The following NRROS variants were observed in gnomAD, a reference collection of about 807,000 sequenced individuals.
NRROS encodes the protein negative regulator of reactive oxygen species, also known as transforming growth factor beta activator LRRC33.
NRROS carries 6 observed loss-of-function variants against 12.0 expected under a neutral mutation model. That is an observed-to-expected ratio of 0.50 (90% CI 0.27 to 0.98). NRROS has a LOEUF of 0.98. Among genes scored for constraint, NRROS ranks in the 50% least tolerant of loss-of-function variants. The pLI is 0.11. For missense variants in NRROS, 857 were observed against 888.2 expected (o/e 0.96, Z 0.45); for synonymous variants, 462 against 410.2 (o/e 1.13, Z -1.53).
intron 1 of NRROS, among the ~76,000 whole-genome samples, chr3:196,645,875 AG>A (rs1429015154): frequency 6.6e-6 from 1 of 152,058 alleles, no homozygotes; most frequent in Non-Finnish European, 1.5e-5. Context: ...AAGGGACGAA[AG>A]CTCCTTCTCC....
At chr3:196,656,269 A>C (rs540638127) in intron 2 of NRROS, among the ~76,000 whole-genome samples, 16 of 152,350 alleles carry the variant, frequency 1.1e-4, no homozygotes, top group African/African-American at 3.8e-4. Flanking sequence ...GCTAACACTT[A>C]CATTCAAGTA....
At chr3:196,647,012 T>A (rs2108636819) in intron 1 of NRROS, among the ~76,000 whole-genome samples, 1 of 152,346 alleles carries the variant, frequency 6.6e-6, no homozygotes, top group Middle Eastern at 3.4e-3. Flanking sequence ...CGTCAATCAA[T>A]ATATTGCTAC....
At chr3:196,648,301 C>T (rs941202469) in intron 1 of NRROS, among the ~76,000 whole-genome samples, 4 of 152,134 alleles carry the variant, frequency 2.6e-5, no homozygotes, top group African/African-American at 9.7e-5. Context: ...TGAAAGTTCC[C>T]TGTAAGTGCT....
In NRROS at chr3:196,661,816, C is replaced by T. The variant is rs1379537153; in HGVS notation, c.*94C>T. 23 of 1,099,904 alleles carry T rather than the reference C, an allele frequency of 2.1e-5. No individual in the cohort carries two copies. The Middle Eastern group carries it at 8.5e-4, about 41-fold the overall frequency. 68.1% of individuals were successfully genotyped at this position (1,099,904 alleles called of 1,614,324 possible). ...GATGTGATGCAGAGGCCAAGTCTGACGAATTGAAGTTTCAATTAAAATTTA... is the reference window on the plus strand; with the variant it reads ...GATGTGATGCAGAGGCCAAGTCTGATGAATTGAAGTTTCAATTAAAATTTA... On this transcript the variant is annotated 3_prime_UTR_variant, in exon 3 of 3. Coordinates refer to ENST00000328557, the MANE Select transcript of NRROS (RefSeq NM_198565.3).
intron 1 of NRROS, among the ~76,000 whole-genome samples, chr3:196,643,416 T>C (rs1737246188): frequency 6.6e-6 from 1 of 152,198 alleles, no homozygotes; most frequent in Non-Finnish European, 1.5e-5. Context: ...AGGCTCAATG[T>C]GGCCACAAAG....
At chr3:196,646,127 ACCCTGTGAGG>A (rs923753090) in intron 1 of NRROS, among the ~76,000 whole-genome samples, 1,153 of 70,930 alleles carry the variant, frequency 0.016, 23 homozygotes, top group African/African-American at 0.081. Context: ...TCTCGACACA[ACCCTGTGAGG>A]CCATCAAGGC....
At chr3:196,641,189 A>G (rs773210463) in intron 1 of NRROS, among the ~76,000 whole-genome samples, 2 of 152,076 alleles carry the variant, frequency 1.3e-5, no homozygotes, top group Non-Finnish European at 2.9e-5. Context: ...CTTCACAAAG[A>G]AGGCACTTTT....
Position 196,660,004 on chromosome 3 carries a change from T to A in NRROS, c.361T>A (p.Tyr121Asn). 6.2e-7 allele frequency: 1 copy of A among 1,613,614 alleles called. No homozygotes were observed. The highest frequency in any genetic ancestry group is 8.5e-7 in the Non-Finnish European group (1 of 1,179,930). Residue 121 changes from tyrosine (Y) to asparagine (N), a missense_variant, in exon 3 of 3, where the codon TAC (tyrosine) becomes AAC (asparagine). Physicochemically the swap from Tyr to Asn is moderately radical, Grantham distance 143 (BLOSUM62 -2). Coordinates refer to ENST00000328557, the MANE Select transcript of NRROS (RefSeq NM_198565.3). This position sits in a 1 kb window ranked among gnomAD's most constrained non-coding sequence, Gnocchi z 7.7. The stretch of plus-strand genomic sequence containing the variant: ...GGGGGACAACTGCCTCTCAGAGAAC[T>A]ACGAAGAGACGGCAGCCGCCCTCCA... ...VLGDNCLSEN[Y>N]EETAAALHAL...
intron 1 of NRROS, among the ~76,000 whole-genome samples, chr3:196,649,622 C>T (rs1245963924): frequency 1.3e-5 from 2 of 152,170 alleles, no homozygotes; most frequent in African/African-American, 4.8e-5. Context: ...CAGGCGCCCG[C>T]CACCGCGCCC....
chr3:196,641,932 C>T (rs1296418379), intron 1 of NRROS, among the ~76,000 whole-genome samples: 4 of 152,226 alleles, frequency 2.6e-5, no homozygotes, highest in Non-Finnish European at 4.4e-5. Context: ...GACACACTTA[C>T]AGATGTCTGT....
chr3:196,659,198 T>G (rs1344101831), intron 2 of NRROS, among the ~76,000 whole-genome samples: 1 of 151,670 alleles, frequency 6.6e-6, no homozygotes, highest in African/African-American at 2.4e-5. Context: ...TTCAGAGCCC[T>G]GGGCTCCAGT....
chr3:196,655,044 C>T (rs1011696758), intron 2 of NRROS: 5 of 188,086 alleles, frequency 2.7e-5, no homozygotes, highest in African/African-American at 1.2e-4. Context: ...GGAGACTAGC[C>T]TGGGCAACAT....
intron 1 of NRROS, among the ~76,000 whole-genome samples, chr3:196,644,832 A>G (rs973071369): frequency 2.0e-5 from 3 of 150,822 alleles, no homozygotes; most frequent in Admixed American, 2.0e-4. Flanking sequence ...GTGTGCCTGT[A>G]GCCCCAGCTA....
rs369822583 is a variant in NRROS at position 196,660,618 on chromosome 3, C to A, written c.975C>A (p.Ser325Arg). 9 of 1,614,068 alleles carry A rather than the reference C, an allele frequency of 5.6e-6. No individual in the cohort carries two copies. Among genetic ancestry groups the A allele is most frequent in the Non-Finnish European group, 7.6e-6 (9 of 1,180,036 alleles). Residue 325 changes from serine (S) to arginine (R), a missense_variant, in exon 3 of 3, where the codon AGC becomes AGA. By Grantham distance (110) the Ser-to-Arg change is moderately radical (BLOSUM62 -1). Coordinates refer to ENST00000328557, the MANE Select transcript of NRROS (RefSeq NM_198565.3). This position sits in a 1 kb window ranked among gnomAD's most constrained non-coding sequence, Gnocchi z 7.7. ...TVSLWEEFSS[S>R]DLADLRFLDM... Reference sequence around the variant, plus strand: ...GCCTCTGGGAAGAATTCTCCTCCAGCGACCTCGCAGATCTCCGCTTCCTGG... The same window carrying A: ...GCCTCTGGGAAGAATTCTCCTCCAGAGACCTCGCAGATCTCCGCTTCCTGG...
At chr3:196,641,055 T>TTG (rs150442980) in intron 1 of NRROS, among the ~76,000 whole-genome samples, 2 of 151,922 alleles carry the variant, frequency 1.3e-5, no homozygotes, top group Admixed American at 6.6e-5. Flanking sequence ...CCTCTTAGGT[T>TTG]TGTGTGTGTG....
chr3:196,653,580 G>A (rs964069480), intron 1 of NRROS, among the ~76,000 whole-genome samples: 2 of 152,226 alleles, frequency 1.3e-5, no homozygotes, highest in African/African-American at 4.8e-5. Context: ...GGCATGCACT[G>A]GGCGTCAGGT....
Position 196,661,705 on chromosome 3 carries a change from T to C in NRROS, c.2062T>C (p.Trp688Arg). ...TCAGGTCATCAAGAGCCGCTGCCAC[T>C]GGTCCTCCGTTTACTGACCTGGCTG... ...LLQVIKSRCH[W>R]SSVY Residue 688 changes from tryptophan to arginine, a missense_variant, in exon 3 of 3, where the codon TGG (tryptophan) becomes CGG (arginine). By Grantham distance (101) the Trp-to-Arg change is moderately radical. Coordinates refer to ENST00000328557, the MANE Select transcript of NRROS (RefSeq NM_198565.3). The C allele has an allele frequency of 6.3e-7, 1 of 1,592,370 alleles. No homozygotes were observed. The highest frequency in any genetic ancestry group is 2.2e-5 in the East Asian group (1 of 44,626).
chr3:196,659,452 T>C (rs1196376397), intron 2 of NRROS, among the ~76,000 whole-genome samples: 3 of 151,760 alleles, frequency 2.0e-5, no homozygotes, highest in Non-Finnish European at 4.4e-5. Flanking sequence ...GGATTACAGG[T>C]GTCCACCACC....
chr3:196,658,946 G>C (rs187849079), intron 2 of NRROS, among the ~76,000 whole-genome samples: 1 of 152,090 alleles, frequency 6.6e-6, no homozygotes, highest in Non-Finnish European at 1.5e-5. Flanking sequence ...CTCCAGCCTG[G>C]GTGACAGGGT....
Sources: allele counts gnomAD v4.1 joint callset (sites outside exome capture counted in the v4.1 genomes callset), GRCh38; gene constraint gnomAD v4.1.1; non-coding constraint Gnocchi (gnomAD v3.1); transcripts MANE v1.5; gene names NCBI Gene and HGNC (gene_info 2026-07-23, HGNC 2026-07-21).